The following CORO2B variants were observed in gnomAD, a reference collection of about 807,000 sequenced individuals.
The protein encoded by CORO2B is coronin-2B.
A neutral mutation model predicts 58.8 loss-of-function variants in CORO2B; 26 were observed. The observed-to-expected ratio is 0.44, with a 90% CI of 0.32 to 0.61. The LOEUF is 0.61. Among genes scored for constraint, CORO2B ranks in the 20% least tolerant of loss-of-function variants. The pLI, the probability that CORO2B is intolerant of heterozygous loss-of-function variation, is 0.04. For missense variants in CORO2B, 460 were observed against 645.1 expected (o/e 0.71, Z 3.11); for synonymous variants, 242 against 253.8 (o/e 0.95, Z 0.44).
chr15:68,608,196 G>A (rs994965328), intron 1 of CORO2B, among the ~76,000 whole-genome samples: 3 of 152,248 alleles, frequency 2.0e-5, no homozygotes, highest in African/African-American at 4.8e-5. Flanking sequence ...CCTGAGCACG[G>A]CCACTGCAGG....
At chr15:68,701,731 G>A (rs1393342057) in intron 3 of CORO2B, among the ~76,000 whole-genome samples, 3 of 151,958 alleles carry the variant, frequency 2.0e-5, no homozygotes, top group East Asian at 1.9e-4. Context: ...TGATCTGCCC[G>A]CCTCGGCCTC....
At chr15:68,538,336 G>A in the CORO2B span, among the ~76,000 whole-genome samples, 1 of 152,174 alleles carries the variant, frequency 6.6e-6, no homozygotes, top group Admixed American at 6.5e-5. Context: ...TATTTTCAAA[G>A]CTATGCTTGG....
upstream of CORO2B, among the ~76,000 whole-genome samples, chr15:68,575,577 G>GCAC (rs370419859): frequency 8.0e-4 from 31 of 38,744 alleles, 5 homozygotes; most frequent in African/African-American, 1.9e-3. Context: ...CTTGTGATCT[G>GCAC]CCCCCGCCTC....
intron 1 of CORO2B, among the ~76,000 whole-genome samples, chr15:68,587,047 TATACACACACACACACACACACAC>T (rs1380941362): frequency 1.6e-4 from 22 of 141,832 alleles, no homozygotes; most frequent in Admixed American, 7.0e-4. Flanking sequence ...GGGAGATATG[TATACACACACACACACACACACAC>T]ACACACACAC....
chr15:68,568,019 A>AAAAAG, the CORO2B span, among the ~76,000 whole-genome samples: 1,117 of 152,254 alleles, frequency 7.3e-3, 15 homozygotes, highest in African/African-American at 0.025. Context: ...AGTCCATCTC[A>AAAAAG]AAAAGAAAAG....
At chr15:68,565,102 G>A in the CORO2B span, among the ~76,000 whole-genome samples, 1 of 152,184 alleles carries the variant, frequency 6.6e-6, no homozygotes, top group South Asian at 2.1e-4. Context: ...AATTAATTAT[G>A]AGCAAAGATA....
In CORO2B at chr15:68,645,074, C is replaced by T. The variant is rs906571355; in HGVS notation, c.16-86C>T. 23 of 1,397,062 alleles carry T rather than the reference C, an allele frequency of 1.6e-5. No individual in the cohort carries two copies. The highest frequency in any genetic ancestry group is 7.4e-5 in the East Asian group (3 of 40,676). 86.5% of individuals were successfully genotyped at this position (1,397,062 alleles called of 1,614,324 possible). ...CTGCTCACCTGCTGCACCTCTGAGC[C>T]GCAGCTTCCCTCCCCCAAGAGCCCA... On this transcript the variant is annotated intron_variant, in intron 1 of 11. Transcript: ENST00000261861. The surrounding 1 kb of genome is among the most constrained non-coding windows in gnomAD (Gnocchi z 4.5).
upstream of CORO2B, chr15:68,578,960 C>T: frequency 1.1e-6 from 1 of 885,344 alleles, no homozygotes; most frequent in Non-Finnish European, 1.4e-6. This position sits in a 1 kb window ranked among gnomAD's most constrained non-coding sequence, Gnocchi z 4.2. Flanking sequence ...CTCCCCCCGC[C>T]CCCCAGCCCG....
chr15:68,696,960 C>G (rs1892527058), intron 3 of CORO2B, among the ~76,000 whole-genome samples: 1 of 152,264 alleles, frequency 6.6e-6, no homozygotes, highest in Admixed American at 6.5e-5. Context: ...CTTCAGAGCT[C>G]ATGTCTCCCT....
chr15:68,539,525 A>C, the CORO2B span, among the ~76,000 whole-genome samples: 1 of 151,922 alleles, frequency 6.6e-6, no homozygotes, highest in Admixed American at 6.6e-5. Context: ...ATAAAAAAAA[A>C]TTAGCCGGTC....
At chr15:68,695,837 G>C (rs1892497611) in intron 3 of CORO2B, among the ~76,000 whole-genome samples, 1 of 152,110 alleles carries the variant, frequency 6.6e-6, no homozygotes, top group African/African-American at 2.4e-5. Context: ...AGATAAGTAA[G>C]AGAGATCAGG....
At chr15:68,575,605 G>C (rs1308975075), upstream of CORO2B, among the ~76,000 whole-genome samples, 36 of 68,470 alleles carry the variant, frequency 5.3e-4, 1 homozygote, top group Non-Finnish European at 8.9e-4. Flanking sequence ...CAAAGTGCTG[G>C]GATTACAGGT....
chr15:68,712,527 G>A (rs1268036201), intron 5 of CORO2B, among the ~76,000 whole-genome samples: 2 of 152,150 alleles, frequency 1.3e-5, no homozygotes, highest in African/African-American at 2.4e-5. Flanking sequence ...GGTATAATGT[G>A]AATATTCTGA....
intron 3 of CORO2B, among the ~76,000 whole-genome samples, chr15:68,697,029 G>A (rs1341008504): frequency 4.6e-5 from 7 of 152,226 alleles, no homozygotes; most frequent in Admixed American, 4.6e-4. Context: ...ATTTGGTTCT[G>A]CACCCCATGC....
At chr15:68,616,224 G>T (rs565641787) in intron 1 of CORO2B, among the ~76,000 whole-genome samples, 1 of 152,274 alleles carries the variant, frequency 6.6e-6, no homozygotes, top group East Asian at 1.9e-4. Flanking sequence ...TATCACTGGA[G>T]CCTTCTCATA....
intron 1 of CORO2B, among the ~76,000 whole-genome samples, chr15:68,632,868 A>G (rs886171640): frequency 6.6e-6 from 1 of 152,254 alleles, no homozygotes; most frequent in Non-Finnish European, 1.5e-5. Flanking sequence ...CTGGGATTAC[A>G]GGCGTGAGCC....
chr15:68,690,652 T>C (rs1191717044), intron 2 of CORO2B, among the ~76,000 whole-genome samples: 4 of 148,292 alleles, frequency 2.7e-5, no homozygotes, highest in African/African-American at 7.5e-5. Flanking sequence ...CTTTCTTTTT[T>C]TTTTTTTTTT....
intron 1 of CORO2B, among the ~76,000 whole-genome samples, chr15:68,597,493 C>T (rs1029591710): frequency 3.3e-5 from 5 of 152,018 alleles, no homozygotes; most frequent in Admixed American, 2.0e-4. Flanking sequence ...GGTCACACAA[C>T]GGAAATGGAA....
chr15:68,546,926 T>C, the CORO2B span, among the ~76,000 whole-genome samples: 1 of 152,194 alleles, frequency 6.6e-6, no homozygotes, highest in Non-Finnish European at 1.5e-5. Flanking sequence ...TTGGATCGCA[T>C]CTTACGTACC....
Sources: gnomAD v4.1 joint callset for allele counts (sites outside exome capture counted in the v4.1 genomes callset) on GRCh38, gnomAD v4.1.1 for gene constraint, Gnocchi (gnomAD v3.1) non-coding constraint, MANE v1.5 for transcripts, NCBI Gene and HGNC (gene_info 2026-07-23, HGNC 2026-07-21) for gene names.